The following KCNIP4 variants were observed in gnomAD, a reference collection of about 807,000 sequenced individuals.
The protein encoded by KCNIP4 is Kv channel-interacting protein 4.
A neutral mutation model predicts 34.0 loss-of-function variants in KCNIP4; 12 were observed. That is an observed-to-expected ratio of 0.35 (90% CI 0.23 to 0.57). The LOEUF is 0.57. Ranked by LOEUF, KCNIP4 falls within the 20% of genes least tolerant of loss-of-function variation. KCNIP4 has a pLI of 0.83. For synonymous variants in KCNIP4, 124 were observed against 102.2 expected (o/e 1.21, Z -1.29); for missense variants, 238 against 311.7 (o/e 0.76, Z 1.78).
In KCNIP4 at chr4:20,927,302, C is replaced by A. The variant is rs374719121; in HGVS notation, c.62-44593G>T. 1.7e-4 allele frequency among the ~76,000 whole-genome samples: 26 copies of A among 152,158 alleles called. No individual in the cohort carries two copies. The South Asian group carries it at 3.3e-3, about 19-fold the overall frequency. On this transcript the variant is annotated intron_variant, in intron 1 of 8. Transcript: ENST00000382152. ...CTTATTGTAGTTTTCTGAAGATATTCTTGCTGGTGTTATTTTAGGAATGTG... is the reference window on the plus strand; with the variant it reads ...CTTATTGTAGTTTTCTGAAGATATTATTGCTGGTGTTATTTTAGGAATGTG...
At chr4:21,453,952 A>G (rs965820159) in intron 1 of KCNIP4, among the ~76,000 whole-genome samples, 5 of 152,042 alleles carry the variant, frequency 3.3e-5, no homozygotes, top group African/African-American at 9.7e-5. Flanking sequence ...TCTTGAAACA[A>G]TGACCTCTGA....
At chr4:20,813,711 T>TA (rs1344653861) in intron 3 of KCNIP4, among the ~76,000 whole-genome samples, 1 of 152,164 alleles carries the variant, frequency 6.6e-6, no homozygotes, top group Admixed American at 6.5e-5. Context: ...TATATATTTT[T>TA]AAAATCAGCA....
intron 1 of KCNIP4, among the ~76,000 whole-genome samples, chr4:21,750,671 G>A (rs1423964813): frequency 6.6e-6 from 1 of 152,138 alleles, no homozygotes; most frequent in South Asian, 2.1e-4. Flanking sequence ...CTAATTCTAG[G>A]CACCTGTAAG....
intron 1 of KCNIP4, among the ~76,000 whole-genome samples, chr4:21,046,103 C>A (rs1206408293): frequency 6.6e-6 from 1 of 152,128 alleles, no homozygotes; most frequent in Non-Finnish European, 1.5e-5. Flanking sequence ...ATGCAAAAGA[C>A]AGAAAAGGAT....
chr4:20,960,853 A>G (rs1347912527), intron 1 of KCNIP4, among the ~76,000 whole-genome samples: 1 of 152,206 alleles, frequency 6.6e-6, no homozygotes, highest in Non-Finnish European at 1.5e-5. Flanking sequence ...TCCTGTAAGA[A>G]GGGGCAAGAG....
At chr4:20,990,771 A>C (rs1343485284) in intron 1 of KCNIP4, among the ~76,000 whole-genome samples, 1 of 152,150 alleles carries the variant, frequency 6.6e-6, no homozygotes, top group Non-Finnish European at 1.5e-5. Context: ...TCCAGTATGC[A>C]ATTTGTGGCT....
chr4:20,970,650 G>A (rs968133031), intron 1 of KCNIP4, among the ~76,000 whole-genome samples: 4 of 152,110 alleles, frequency 2.6e-5, no homozygotes, highest in East Asian at 1.9e-4. Context: ...CTATAGTGCC[G>A]AAGACAGCAC....
intron 1 of KCNIP4, among the ~76,000 whole-genome samples, chr4:21,736,486 A>G (rs1166589964): frequency 1.3e-5 from 2 of 152,216 alleles, no homozygotes; most frequent in African/African-American, 4.8e-5. Flanking sequence ...TTTTCCTCAG[A>G]TATTTGTGTC....
At chr4:21,086,596 C>T (rs1230075057) in intron 1 of KCNIP4, among the ~76,000 whole-genome samples, 1 of 152,128 alleles carries the variant, frequency 6.6e-6, no homozygotes, top group Non-Finnish European at 1.5e-5. Context: ...TCCTGGGAAA[C>T]ATACTTTACA....
chr4:20,848,291 G>A (rs1303186295), intron 3 of KCNIP4, among the ~76,000 whole-genome samples: 1 of 151,840 alleles, frequency 6.6e-6, no homozygotes, highest in African/African-American at 2.4e-5. Context: ...AAAAAATAGA[G>A]GAAGAGGAGG....
intron 3 of KCNIP4, among the ~76,000 whole-genome samples, chr4:20,831,872 A>C (rs894578765): frequency 6.6e-6 from 1 of 152,156 alleles, no homozygotes; most frequent in Non-Finnish European, 1.5e-5. Flanking sequence ...AACAGGTTTA[A>C]TCTGCTATTA....
intron 1 of KCNIP4, among the ~76,000 whole-genome samples, chr4:21,038,135 G>A (rs745873690): frequency 4.6e-5 from 7 of 152,130 alleles, no homozygotes; most frequent in East Asian, 1.9e-4. Context: ...GTGCCACCAC[G>A]CCCAGCTAAC....
chr4:21,050,945 C>G (rs747747098), intron 1 of KCNIP4, among the ~76,000 whole-genome samples: 2 of 152,048 alleles, frequency 1.3e-5, no homozygotes, highest in Non-Finnish European at 2.9e-5. Flanking sequence ...TTTATTGCCC[C>G]AAGACCTCTT....
At chr4:21,436,790 C>T (rs867328485) in intron 1 of KCNIP4, among the ~76,000 whole-genome samples, 35 of 152,130 alleles carry the variant, frequency 2.3e-4, no homozygotes, top group African/African-American at 7.7e-4. Context: ...CAATAAATGT[C>T]GGCTGGTTTA....
At chr4:21,815,753 T>G (rs549744713) in intron 1 of KCNIP4, among the ~76,000 whole-genome samples, 12 of 152,282 alleles carry the variant, frequency 7.9e-5, no homozygotes, top group Non-Finnish European at 1.0e-4. Context: ...GTATACTTTT[T>G]AAATGAGAAA....
intron 1 of KCNIP4, among the ~76,000 whole-genome samples, chr4:21,148,003 TA>T (rs917043105): frequency 6.2e-5 from 9 of 144,070 alleles, no homozygotes; most frequent in African/African-American, 2.3e-4. Flanking sequence ...TAAGAGGAAT[TA>T]AAAAAATCAA....
chr4:21,201,461 C>A (rs1756487451), intron 1 of KCNIP4, among the ~76,000 whole-genome samples: 1 of 152,170 alleles, frequency 6.6e-6, no homozygotes, highest in Admixed American at 6.5e-5. Flanking sequence ...CATACCATTG[C>A]AGGATACTAT....
chr4:21,054,373 GC>G (rs1743215698), intron 1 of KCNIP4, among the ~76,000 whole-genome samples: 1 of 151,962 alleles, frequency 6.6e-6, no homozygotes, highest in African/African-American at 2.4e-5. Flanking sequence ...ACAAAAATTA[GC>G]CAGGCGTGGT....
intron 1 of KCNIP4, among the ~76,000 whole-genome samples, chr4:21,878,129 C>T (rs572634775): frequency 6.6e-6 from 1 of 152,280 alleles, no homozygotes; most frequent in Non-Finnish European, 1.5e-5. Flanking sequence ...CTCACTGTAA[C>T]CAGTGGTATG....
Sources: allele counts gnomAD v4.1 joint callset (sites outside exome capture counted in the v4.1 genomes callset), GRCh38; gene constraint gnomAD v4.1.1; transcripts MANE v1.5; gene names NCBI Gene and HGNC (gene_info 2026-07-23, HGNC 2026-07-21).